The following SGCE variants were observed in gnomAD, a reference collection of about 807,000 sequenced individuals.
SGCE encodes epsilon-sarcoglycan.
Under a neutral mutation model 57.8 loss-of-function variants are expected in SGCE, and 26 were observed. The ratio of observed to expected loss-of-function variants is 0.45; its 90% CI spans 0.33 to 0.62. SGCE has a LOEUF of 0.62. Ranked by LOEUF, SGCE falls within the 20% of genes least tolerant of loss-of-function variation. The pLI is 0.02. For missense variants in SGCE, 468 were observed against 548.6 expected (o/e 0.85, Z 1.47); for synonymous variants, 183 against 189.5 (o/e 0.97, Z 0.28).
chr7:94,597,952 A>AG (rs1798647891), intron 9 of SGCE: 1 of 161,594 alleles, frequency 6.2e-6, no homozygotes, highest in Admixed American at 6.4e-5. Context: ...GGCTGCAGTG[A>AG]GCCAAGATCG....
At position 94,649,477 on chromosome 7, in the gene SGCE, C is replaced by T. The variant is rs73720695; in HGVS notation, c.109+6513G>A. On this transcript the variant is annotated intron_variant, in intron 1 of 10. Coordinates refer to ENST00000648936, the MANE Select transcript of SGCE (RefSeq NM_003919.3). ...CCAGAGCCAGAGCAAGCAAGCACTG[C>T]ATTCAAGGAATTACAAGTAGCCGCC... Among the ~76,000 whole-genome samples the T allele has an allele frequency of 4.5e-3, 686 of 152,284 alleles. 4 individuals carry two copies. Among genetic ancestry groups the T allele is most frequent in the African/African-American group, 0.016 (672 of 41,554 alleles).
In SGCE at chr7:94,656,016, G is replaced by A. The variant is rs1458308050; in HGVS notation, c.83C>T (p.Ala28Val). 4 of 1,611,112 alleles carry A rather than the reference G, an allele frequency of 2.5e-6. No individual in the cohort carries two copies. The highest frequency in any genetic ancestry group is 1.1e-5 in the South Asian group (1 of 91,000). The change falls in exon 1 of 11, where the codon GCG (alanine) becomes GTG (valine). Residue 28 changes from alanine (A) to valine (V), a missense_variant. Physicochemically the swap from Ala to Val is moderately conservative, Grantham distance 64. Transcript: ENST00000648936. ...TGTCAGCAAGAATGTGCCAGTGGTC[G>A]CGGGGCTCATCCTGCGTGTCCCCCG... ...QGRGTRRMSP[A>V]TTGTFLLTVY...
chr7:94,626,516 G>A (rs1803738290), intron 3 of SGCE: 1 of 151,806 alleles, frequency 6.6e-6, no homozygotes, highest in African/African-American at 2.4e-5. Context: ...TTTTAAAAAC[G>A]TGTATTTTCT....
chr7:94,591,602 T>C (rs1584488310), intron 9 of SGCE, among the ~76,000 whole-genome samples: 1 of 148,762 alleles, frequency 6.7e-6, no homozygotes, highest in African/African-American at 2.4e-5. Flanking sequence ...AAAATCAGCA[T>C]TTGGATGAGG....
chr7:94,602,216 C>T (rs1004830010), intron 6 of SGCE, among the ~76,000 whole-genome samples: 1 of 152,048 alleles, frequency 6.6e-6, no homozygotes, highest in Non-Finnish European at 1.5e-5. Context: ...ATCGTTAGCA[C>T]CATGATTGAA....
At chr7:94,598,721 A>G in intron 9 of SGCE, 54 bp downstream of exon 9, 1 of 1,157,502 alleles carries the variant, frequency 8.6e-7, no homozygotes. Context: ...CTTTACAGAT[A>G]TTAGTAAAAA....
chr7:94,588,070 T>A, intron 10 of SGCE: 1 of 1,331,410 alleles, frequency 7.5e-7, no homozygotes, highest in African/African-American at 1.5e-5. Context: ...CAATCATGAA[T>A]AAGTTATCTA....
chr7:94,603,278 A>G lies in SGCE; in HGVS notation c.825+12T>C, dbSNP rs757186866. ...TTTTAACTAAACTTGCAAAAACAAA[A>G]TAAAAACTTACCAATGAAATTTTGC... On this transcript the variant is annotated intron_variant, in intron 6 of 10. Transcript: ENST00000648936. 2.5e-6 allele frequency: 4 copies of G among 1,607,716 alleles called. No individual in the cohort carries two copies. In the Admixed American group the frequency reaches 6.7e-5, roughly 27 times the overall value.
rs5885874 is a variant in SGCE at position 94,638,639 on chromosome 7, CAA to C, written c.110-8800_110-8799del. On this transcript the variant is annotated intron_variant, in intron 1 of 10. Coordinates refer to ENST00000648936, the MANE Select transcript of SGCE (RefSeq NM_003919.3). ...TATTCTGTGTGAAGGATCATAAAGCCAAAAAAAAAAAAAAGAAATATTAAGTG... is the reference window on the plus strand; with the variant it reads ...TATTCTGTGTGAAGGATCATAAAGCCAAAAAAAAAAAAGAAATATTAAGTG... 5.7e-3 allele frequency among the ~76,000 whole-genome samples: 652 copies of C among 114,980 alleles called. 3 individuals carry two copies. Among genetic ancestry groups the C allele is most frequent in the African/African-American group, 0.016 (589 of 36,662 alleles). 75.4% of individuals were successfully genotyped at this position (114,980 alleles called of 152,430 possible).
intron 4 of SGCE, chr7:94,619,705 C>T (rs1360475581): frequency 1.3e-5 from 2 of 152,118 alleles, no homozygotes; most frequent in African/African-American, 4.8e-5. Flanking sequence ...AATGTATGTA[C>T]TGTGAGGCAG....
intron 6 of SGCE, among the ~76,000 whole-genome samples, chr7:94,602,003 A>G (rs1450037649): frequency 6.6e-6 from 1 of 152,190 alleles, no homozygotes. Context: ...CTTTCCACTT[A>G]TAAAGCCTTA....
At chr7:94,587,467 G>C in intron 10 of SGCE, 3 of 1,235,276 alleles carry the variant, frequency 2.4e-6, no homozygotes, top group Non-Finnish European at 3.0e-6. Flanking sequence ...GGTTAATAAC[G>C]AAGAAGTTCT....
In SGCE at chr7:94,638,422, A is replaced by G. The variant is rs1805904981; in HGVS notation, c.110-8581T>C. Among the ~76,000 whole-genome samples the G allele has an allele frequency of 2.0e-5, 3 of 152,226 alleles. No homozygotes were observed. In the South Asian group the frequency reaches 6.2e-4, roughly 32 times the overall value. ...GATGCCCAACTTCAGAGATGTATGA[A>G]GAAAATGAAGTAAGCCAGGAATCAA... On this transcript the variant is annotated intron_variant, in intron 1 of 10. Coordinates refer to ENST00000648936, the MANE Select transcript of SGCE (RefSeq NM_003919.3).
intron 1 of SGCE, among the ~76,000 whole-genome samples, chr7:94,636,759 T>C (rs1332080352): frequency 6.6e-6 from 1 of 152,180 alleles, no homozygotes; most frequent in Admixed American, 6.5e-5. Flanking sequence ...CCTACCGCTT[T>C]AGCTAAGAAT....
At chr7:94,628,100 G>A (rs1419116561) in intron 3 of SGCE, 102 bp downstream of exon 3, 3 of 833,776 alleles carry the variant, frequency 3.6e-6, no homozygotes, top group East Asian at 2.6e-5. Context: ...CCACCATCAG[G>A]TAACTTTAGT....
At chr7:94,629,953 GA>G in intron 1 of SGCE, 112 bp from the exon 2 acceptor site, 1 of 1,245,880 alleles carries the variant, frequency 8.0e-7, no homozygotes, top group Non-Finnish European at 1.1e-6. Context: ...GACATTTCTG[GA>G]AAAACTGAAG....
intron 1 of SGCE, among the ~76,000 whole-genome samples, chr7:94,653,098 A>G (rs561087833): frequency 1.3e-5 from 2 of 152,306 alleles, no homozygotes; most frequent in South Asian, 4.1e-4. Context: ...TGAAAATTCC[A>G]GTTTGTTTTG....
chr7:94,653,756 T>C (rs932740349), intron 1 of SGCE, among the ~76,000 whole-genome samples: 8 of 152,110 alleles, frequency 5.3e-5, no homozygotes, highest in African/African-American at 1.7e-4. Context: ...AATATTTTCA[T>C]ATGTAGAGGA....
chr7:94,636,421 T>C (rs1237587373), intron 1 of SGCE, among the ~76,000 whole-genome samples: 1 of 152,216 alleles, frequency 6.6e-6, no homozygotes, highest in Non-Finnish European at 1.5e-5. Context: ...AATCAGAGTT[T>C]GCATGCATTT....
Sources: gnomAD v4.1 joint callset for allele counts (sites outside exome capture counted in the v4.1 genomes callset) on GRCh38, gnomAD v4.1.1 for gene constraint, MANE v1.5 for transcripts, NCBI Gene and HGNC (gene_info 2026-07-23, HGNC 2026-07-21) for gene names.